IL17RD: variants seen among roughly 807,000 people sequenced by gnomAD.
IL17RD encodes the protein interleukin-17 receptor D.
Under a neutral mutation model 80.5 loss-of-function variants are expected in IL17RD, and 52 were observed. That is an observed-to-expected ratio of 0.65 (90% CI 0.52 to 0.81). The LOEUF is 0.81. IL17RD is among the 40% of genes least tolerant of loss of function. The probability of loss-of-function intolerance (pLI) is 0.00; values close to 1 mark genes in which losing one functional copy is unlikely to be tolerated. For missense variants in IL17RD, 1,024 were observed against 955.1 expected (o/e 1.07, Z -0.95); for synonymous variants, 416 against 391.8 (o/e 1.06, Z -0.73).
intron 1 of IL17RD, among the ~76,000 whole-genome samples, chr3:57,139,510 A>T (rs990027791): frequency 2.1e-5 from 3 of 144,228 alleles, no homozygotes; most frequent in Non-Finnish European, 3.0e-5. Context: ...TGCAATGAAA[A>T]TTTCCTTTTT....
intron 5 of IL17RD, among the ~76,000 whole-genome samples, chr3:57,106,981 C>G (rs578237170): frequency 6.6e-6 from 1 of 152,150 alleles, no homozygotes; most frequent in Admixed American, 6.5e-5. Context: ...TTAGGTGAGG[C>G]TTTCATAAAC....
intron 2 of IL17RD, among the ~76,000 whole-genome samples, chr3:57,118,504 G>C (rs1423947490): frequency 1.3e-5 from 2 of 152,174 alleles, no homozygotes; most frequent in Non-Finnish European, 2.9e-5. Context: ...GATGCCAGAC[G>C]TCACTAAATA....
At chr3:57,113,179 G>A (rs959210249) in intron 3 of IL17RD, among the ~76,000 whole-genome samples, 8 of 152,106 alleles carry the variant, frequency 5.3e-5, no homozygotes, top group African/African-American at 1.2e-4. Context: ...GCCCCAACCC[G>A]AATCTAGCCA....
chr3:57,146,310 G>A (rs1707929565), intron 1 of IL17RD, among the ~76,000 whole-genome samples: 1 of 151,834 alleles, frequency 6.6e-6, no homozygotes, highest in Non-Finnish European at 1.5e-5. Flanking sequence ...GCGACATTTC[G>A]CCCACACCTA....
intron 11 of IL17RD, among the ~76,000 whole-genome samples, chr3:57,100,660 T>G (rs1156426253): frequency 6.6e-6 from 1 of 152,188 alleles, no homozygotes; most frequent in Non-Finnish European, 1.5e-5. Flanking sequence ...GTCAAACAGC[T>G]TCACAGAGCC....
At chr3:57,120,459 C>T in intron 1 of IL17RD, 146 bp from the exon 2 acceptor site, 1 of 649,718 alleles carries the variant, frequency 1.5e-6, no homozygotes, top group African/African-American at 1.8e-5. Flanking sequence ...TTTCTGCCCG[C>T]TTCATGGCCC....
intron 1 of IL17RD, among the ~76,000 whole-genome samples, chr3:57,122,740 C>CTTTT (rs754491969): frequency 0.023 from 2,669 of 116,926 alleles, 70 homozygotes; most frequent in Non-Finnish European, 0.03. Flanking sequence ...CCTCAACTGT[C>CTTTT]TTTTTTTTTT....
intron 1 of IL17RD, among the ~76,000 whole-genome samples, chr3:57,154,278 A>G (rs1259511367): frequency 7.2e-6 from 1 of 138,936 alleles, no homozygotes; most frequent in Admixed American, 8.0e-5. Context: ...ATATATATAT[A>G]TATATACACA....
intron 1 of IL17RD, among the ~76,000 whole-genome samples, chr3:57,128,426 T>C (rs970559168): frequency 6.6e-6 from 1 of 152,198 alleles, no homozygotes; most frequent in Non-Finnish European, 1.5e-5. Flanking sequence ...GGGACAATTG[T>C]TTCTGAGCTC....
chr3:57,111,699 G>A (rs1027014430), intron 3 of IL17RD, among the ~76,000 whole-genome samples: 34 of 152,168 alleles, frequency 2.2e-4, no homozygotes, highest in African/African-American at 4.3e-4. Context: ...GGCCGGGCGC[G>A]GTGACTCACG....
chr3:57,104,357 C>T lies in IL17RD; in HGVS notation c.798G>A (p.Gly266=). 1 of 1,607,600 alleles carries T rather than the reference C, an allele frequency of 6.2e-7. No individual in the cohort carries two copies. The highest frequency in any genetic ancestry group is 8.5e-7 in the Non-Finnish European group (1 of 1,175,086). ...TSCLLQNVSP[G]DYIIELVDDT... ...TTATGCATACCTCAATTATATAATC[C>T]CCTGGAGAAACATTTTGAAGGAGGC... The change falls in exon 8 of 13, where the codon GGG becomes GGA. Residue 266 remains glycine (G), a synonymous_variant. Transcript: ENST00000296318.
rs375630070 is a variant in IL17RD, at chr3:57,127,414, T to A, written c.127-7101A>T. Among the ~76,000 whole-genome samples, 419 of 74,416 alleles carry A rather than the reference T, an allele frequency of 5.6e-3. 43 individuals carry two copies. The highest frequency in any genetic ancestry group is 7.7e-3 in the Non-Finnish European group (283 of 36,850). 48.8% of individuals were successfully genotyped at this position (74,416 alleles called of 152,430 possible). On this transcript the variant is annotated intron_variant, in intron 1 of 12. Coordinates refer to ENST00000296318, the MANE Select transcript of IL17RD (RefSeq NM_017563.5). ...TAAATAAATATATATATATATATAT[T>A]TTTTTTTTGAGATAAGAGTCTTGCT...
intron 1 of IL17RD, among the ~76,000 whole-genome samples, chr3:57,135,139 A>AAC (rs199882090): frequency 2.0e-3 from 282 of 139,808 alleles, no homozygotes; most frequent in African/African-American, 8.0e-3. Context: ...ACAAACAAAA[A>AAC]ACACACAAAA....
intron 5 of IL17RD, among the ~76,000 whole-genome samples, chr3:57,107,114 C>T (rs1706981695): frequency 1.3e-5 from 2 of 152,300 alleles, no homozygotes; most frequent in South Asian, 4.1e-4. Context: ...CGCGGTGGCT[C>T]ATGCCTGTAA....
chr3:57,126,749 C>A (rs900383652), intron 1 of IL17RD, among the ~76,000 whole-genome samples: 2 of 152,166 alleles, frequency 1.3e-5, no homozygotes, highest in African/African-American at 4.8e-5. Flanking sequence ...AAGTAAGGAA[C>A]TTTCAGAAAG....
chr3:57,163,537 C>T (rs547140146), intron 1 of IL17RD, among the ~76,000 whole-genome samples: 12 of 152,138 alleles, frequency 7.9e-5, no homozygotes, highest in South Asian at 2.1e-4. Flanking sequence ...GATTTACCTA[C>T]GCCATCACAT....
chr3:57,151,267 A>C (rs1708054721), intron 1 of IL17RD, among the ~76,000 whole-genome samples: 1 of 152,090 alleles, frequency 6.6e-6, no homozygotes, highest in Non-Finnish European at 1.5e-5. Flanking sequence ...ATTAACCATA[A>C]ATTTGAGACT....
intron 11 of IL17RD, 102 bp downstream of exon 11, chr3:57,101,077 G>C (rs1271964385): frequency 2.4e-6 from 2 of 841,418 alleles, no homozygotes; most frequent in Non-Finnish European, 3.7e-6. Flanking sequence ...GTCAAGGGCA[G>C]GTGTCACCAC....
At chr3:57,140,058 T>G (rs942145400) in intron 1 of IL17RD, among the ~76,000 whole-genome samples, 2 of 152,106 alleles carry the variant, frequency 1.3e-5, no homozygotes, top group Non-Finnish European at 2.9e-5. Flanking sequence ...TAGTTCACTG[T>G]CAGGCTTCTG....
Sources: gnomAD v4.1 joint callset for allele counts (sites outside exome capture counted in the v4.1 genomes callset) on GRCh38, gnomAD v4.1.1 for gene constraint, MANE v1.5 for transcripts, NCBI Gene and HGNC (gene_info 2026-07-23, HGNC 2026-07-21) for gene names.